Variants in PTCHD4 observed in about 807,000 individuals in gnomAD.
The protein encoded by PTCHD4 is patched domain containing 4.
PTCHD4 carries 33 observed loss-of-function variants against 58.1 expected under a neutral mutation model. That is an observed-to-expected ratio of 0.57 (90% confidence interval 0.43 to 0.76). The LOEUF is 0.76. PTCHD4 is among the 30% of genes least tolerant of loss of function. The pLI is 0.00. For missense variants in PTCHD4, 1,058 were observed against 1,027.1 expected, an observed-to-expected ratio of 1.03 and a Z score of -0.41; for synonymous variants, 478 against 409.6, an observed-to-expected ratio of 1.17 and a Z score of -2.02.
Position 47,932,478 on chromosome 6 carries a change from C to T in PTCHD4, c.899-52542G>A, listed in dbSNP as rs546482683. ...GAGAATGAGACCAATGGCATTCATA[C>T]GATAAGGAGCATAAGGTTTTATTTC... On this transcript the variant is annotated intron_variant, in intron 4 of 4. Transcript: ENST00000339488. Among the ~76,000 whole-genome samples, 15 of 152,218 alleles carry T rather than the reference C, an allele frequency of 9.9e-5. No individual in the cohort carries two copies. The South Asian group carries it at 2.7e-3, about 27-fold the overall frequency.
intron 1 of PTCHD4, among the ~76,000 whole-genome samples, chr6:48,093,598 A>G (rs894586702): frequency 2.0e-5 from 3 of 152,170 alleles, no homozygotes; most frequent in African/African-American, 7.2e-5. Flanking sequence ...ATTTCAAGGT[A>G]TAGGATGGGA....
chr6:48,070,123 T>TTGTG lies in PTCHD4; in HGVS notation c.-969-201_-969-198dup, dbSNP rs66484270. 3.8e-3 allele frequency among the ~76,000 whole-genome samples: 551 copies of TTGTG among 146,726 alleles called. 4 individuals are homozygous for TTGTG. Among genetic ancestry groups the TTGTG allele is most frequent in the South Asian group, 0.015 (69 of 4,602 alleles). On this transcript the variant is annotated intron_variant, in intron 1 of 4. Transcript: ENST00000339488. Reference sequence around the variant, plus strand: ...AAAACTAATATTAATAAGTGTGTGTTTGTGTGTGTGTGTGTGTGTGTGTGT... The same window carrying TTGTG: ...AAAACTAATATTAATAAGTGTGTGTTTGTGTGTGTGTGTGTGTGTGTGTGTGTGT...
In PTCHD4 at chr6:48,106,606, A is replaced by C. The variant is rs554324109; in HGVS notation, c.-970+4443T>G. ...AGTGTTGGAAGTTCTGGCCAGGGCA[A>C]TCAGGCAGGAGAAGGAAATAAAGGG... On this transcript the variant is annotated intron_variant, in intron 1 of 4. Coordinates refer to ENST00000339488, the MANE Select transcript of PTCHD4 (RefSeq NM_001384253.1). Among the ~76,000 whole-genome samples the C allele has an allele frequency of 8.5e-3, 1,296 of 152,292 alleles. 21 individuals are homozygous for C. Among genetic ancestry groups the C allele is most frequent in the African/African-American group, 0.028 (1,162 of 41,556 alleles).
Position 47,914,754 on chromosome 6 carries a change from A to G in PTCHD4, c.899-34818T>C, listed in dbSNP as rs1265405028. On this transcript the variant is annotated intron_variant, in intron 4 of 4. Coordinates refer to ENST00000339488, the MANE Select transcript of PTCHD4 (RefSeq NM_001384253.1). ...TCTATTATCTATCTATTATCTATCT[A>G]TCTATCTATCTATCTATCTATCTAT... Among the ~76,000 whole-genome samples the G allele has an allele frequency of 2.1e-5, 3 of 145,768 alleles. No individual in the cohort carries two copies. The South Asian group carries it at 6.4e-4, about 31-fold the overall frequency.
At chr6:48,108,457 T>TG (rs960815534) in intron 1 of PTCHD4, among the ~76,000 whole-genome samples, 1 of 150,630 alleles carries the variant, frequency 6.6e-6, no homozygotes, top group Non-Finnish European at 1.5e-5. Flanking sequence ...TGTTGTGGGG[T>TG]GGGGGGAGCG....
At chr6:48,017,676 C>G (rs949598626) in intron 3 of PTCHD4, among the ~76,000 whole-genome samples, 1 of 152,146 alleles carries the variant, frequency 6.6e-6, no homozygotes, top group Non-Finnish European at 1.5e-5. Flanking sequence ...GGAGTAGCCT[C>G]AAGTCAACAA....
At chr6:47,908,134 G>A (rs76707425) in intron 4 of PTCHD4, among the ~76,000 whole-genome samples, 5 of 152,122 alleles carry the variant, frequency 3.3e-5, no homozygotes, top group African/African-American at 1.2e-4. Context: ...TGCAAAGGCT[G>A]TGAAAACTGA....
At chr6:47,880,066 CAG>C (rs1316542063) in intron 4 of PTCHD4, 130 bp from the exon 5 acceptor site, 1 of 750,880 alleles carries the variant, frequency 1.3e-6, no homozygotes, top group Middle Eastern at 4.0e-4. Context: ...ATCCTCCTAT[CAG>C]GGCCTCAAAA....
At chr6:47,913,787 G>A (rs953368164) in intron 4 of PTCHD4, among the ~76,000 whole-genome samples, 1 of 152,130 alleles carries the variant, frequency 6.6e-6, no homozygotes, top group Non-Finnish European at 1.5e-5. Flanking sequence ...TGCTGGAGGA[G>A]GCTGATTCTG....
chr6:48,063,739 T>A (rs1382326581), intron 3 of PTCHD4, among the ~76,000 whole-genome samples: 1 of 152,308 alleles, frequency 6.6e-6, no homozygotes, highest in African/African-American at 2.4e-5. Context: ...GGTAGTGATG[T>A]TTTACTCAGT....
At chr6:48,050,797 G>C (rs1274253401) in intron 3 of PTCHD4, among the ~76,000 whole-genome samples, 1 of 151,948 alleles carries the variant, frequency 6.6e-6, no homozygotes, top group African/African-American at 2.4e-5. Context: ...GTCTTACTGT[G>C]TGTGCATTAA....
chr6:48,067,087 G>T (rs1396325652), intron 3 of PTCHD4, among the ~76,000 whole-genome samples: 1 of 152,028 alleles, frequency 6.6e-6, no homozygotes, highest in Non-Finnish European at 1.5e-5. Context: ...CACCTGTCTT[G>T]GGAGTTCTTG....
chr6:47,982,575 G>A (rs1344958574), intron 4 of PTCHD4, among the ~76,000 whole-genome samples: 2 of 145,914 alleles, frequency 1.4e-5, no homozygotes, highest in Non-Finnish European at 3.0e-5. Flanking sequence ...TGCAGGCTCC[G>A]CCTCCCGGGT....
intron 3 of PTCHD4, among the ~76,000 whole-genome samples, chr6:48,040,280 T>C (rs1460889225): frequency 6.6e-6 from 1 of 152,096 alleles, no homozygotes; most frequent in East Asian, 1.9e-4. Flanking sequence ...TCCATCTTTA[T>C]TTATAGTGAC....
rs1765866247 is a variant in PTCHD4, at chr6:48,111,100, A to G, written c.-1021T>C. Reference sequence around the variant, plus strand: ...CATGGAGGCAACAACAGAATTGGAGAGTGAGAGGGGATTTCTTTTATTTCT... The same window carrying G: ...CATGGAGGCAACAACAGAATTGGAGGGTGAGAGGGGATTTCTTTTATTTCT... On this transcript the variant is annotated 5_prime_UTR_variant, in exon 1 of 5. Transcript: ENST00000339488. Among the ~76,000 whole-genome samples, 1 of 151,784 alleles carries G rather than the reference A, an allele frequency of 6.6e-6. No homozygotes were observed. The highest frequency in any genetic ancestry group is 2.4e-5 in the African/African-American group (1 of 41,304).
chr6:48,038,953 T>C (rs1417829306), intron 3 of PTCHD4, among the ~76,000 whole-genome samples: 1 of 152,180 alleles, frequency 6.6e-6, no homozygotes, highest in Admixed American at 6.5e-5. Context: ...TAGGTGTGAA[T>C]ATAAATTGGC....
At chr6:47,958,791 G>T (rs1282230956) in intron 4 of PTCHD4, among the ~76,000 whole-genome samples, 4 of 152,192 alleles carry the variant, frequency 2.6e-5, no homozygotes, top group African/African-American at 9.7e-5. Context: ...ACAGGGCATG[G>T]AATAGTGTCT....
At chr6:48,061,131 C>T (rs1764613047) in intron 3 of PTCHD4, among the ~76,000 whole-genome samples, 1 of 152,192 alleles carries the variant, frequency 6.6e-6, no homozygotes, top group Admixed American at 6.5e-5. Flanking sequence ...ATAATATTAA[C>T]ATAATTGGAG....
chr6:48,002,594 C>G (rs1768775347), intron 4 of PTCHD4, among the ~76,000 whole-genome samples: 1 of 150,564 alleles, frequency 6.6e-6, no homozygotes, highest in South Asian at 2.1e-4. Context: ...GAATATCACA[C>G]ACTGGGGCCT....
Sources: allele counts gnomAD v4.1 joint callset (sites outside exome capture counted in the v4.1 genomes callset), GRCh38; gene constraint gnomAD v4.1.1; transcripts MANE v1.5; gene names NCBI Gene and HGNC (gene_info 2026-07-23, HGNC 2026-07-21).